The following ZNF728 variants were observed in gnomAD, a reference collection of about 807,000 sequenced individuals.
ZNF728 encodes zinc finger protein 728.
In ZNF728, 12 loss-of-function variants were observed where a neutral mutation model predicts 12.5. The observed-to-expected ratio is 0.96, with a 90% CI of 0.61 to 1.55. The LOEUF (loss-of-function observed/expected upper bound fraction) is 1.55, where lower values mean the gene tolerates loss of function less well. Ranked by LOEUF, ZNF728 falls within the 40% of genes most tolerant of loss-of-function variation. The pLI, the probability that ZNF728 is intolerant of heterozygous loss-of-function variation, is 0.00. For missense variants in ZNF728, 692 were observed against 719.2 expected (o/e 0.96, Z 0.43); for synonymous variants, 205 against 240.7 (o/e 0.85, Z 1.37).
chr19:23,000,585 C>T (rs142433789), intron 1 of ZNF728, among the ~76,000 whole-genome samples: 1,711 of 152,014 alleles, frequency 0.011, 32 homozygotes, highest in African/African-American at 0.039. Flanking sequence ...TGAGGTCAGC[C>T]GGGCACAGTG....
chr19:22,994,506 T>C (rs1363761160), intron 1 of ZNF728, among the ~76,000 whole-genome samples: 2 of 152,196 alleles, frequency 1.3e-5, no homozygotes, highest in Non-Finnish European at 2.9e-5. Flanking sequence ...GTCAATTTGC[T>C]CAAGAGATTG....
At chr19:23,002,952 TC>T in intron 1 of ZNF728, 75 bp downstream of exon 1, 13 of 1,570,732 alleles carry the variant, frequency 8.3e-6, no homozygotes, top group Non-Finnish European at 1.0e-5. Context: ...GAGGCCTGAG[TC>T]CCGCCACAGC....
intron 3 of ZNF728, among the ~76,000 whole-genome samples, chr19:22,978,512 GGGTCAGAC>G: frequency 1.3e-5 from 2 of 152,348 alleles, no homozygotes; most frequent in East Asian, 3.9e-4. Context: ...GCTCTGCTAA[GGGTCAGAC>G]TGCCACCTCA....
Position 23,003,025 on chromosome 19 carries a change from C to T in ZNF728, c.3+3G>A, listed in dbSNP as rs751152431. The stretch of plus-strand genomic sequence containing the variant: ...CTCGGGATGTCGGACCCGGCTGACT[C>T]ACCATTTCTAGGCTTCCGGGGGTCC... On this transcript the variant is annotated splice_donor_region_variant and intron_variant, in intron 1 of 3. Coordinates refer to ENST00000594710, the MANE Select transcript of ZNF728 (RefSeq NM_001267716.2). 6.3e-7 allele frequency: 1 copy of T among 1,584,734 alleles called. No individual in the cohort carries two copies. Among genetic ancestry groups the T allele is most frequent in the African/African-American group, 1.4e-5 (1 of 73,790 alleles).
At position 22,976,457 on chromosome 19, in the gene ZNF728, T is replaced by C. The variant is rs773171341; in HGVS notation, c.880A>G (p.Ser294Gly). The change falls in exon 4 of 4, where the codon AGT (serine) becomes GGT (glycine). Residue 294 changes from serine to glycine, a missense_variant. Transcript: ENST00000594710. ...YKCEECGKAFSKASTLTAHKT... is the reference protein window; with the variant it reads ...YKCEECGKAFGKASTLTAHKT... ...TGTGCAGTAAGGGTTGAGGCCTTAC[T>C]AAAGGCTTTGCCACATTCTTCACAT... 2 of 1,612,868 alleles carry C rather than the reference T, an allele frequency of 1.2e-6. No individual in the cohort carries two copies. The highest frequency in any genetic ancestry group is 2.7e-5 in the African/African-American group (2 of 74,836).
chr19:22,975,598 T>C lies in ZNF728; in HGVS notation c.1739A>G (p.Asn580Ser). 6.2e-7 allele frequency: 1 copy of C among 1,607,758 alleles called. No homozygotes were observed. The highest frequency in any genetic ancestry group is 8.5e-7 in the Non-Finnish European group (1 of 1,178,458). The change falls in exon 4 of 4, where the codon AAC becomes AGC. Residue 580 changes from asparagine (N) to serine (S), a missense_variant. Physicochemically the swap from Asn to Ser is conservative, Grantham distance 46. This residue lies in a region of ZNF728 where 244 missense variants were observed against 235.2 expected (regional missense o/e 1.04). Transcript: ENST00000594710. ...GKAFSWVSVL[N>S]KHKKIHAGKK... The stretch of plus-strand genomic sequence containing the variant: ...TCCAGCATGAATTTTCTTATGTTTG[T>C]TAAGGACTGAGACCCAGCTAAAGGC...
chr19:22,981,075 A>G (rs1003207752), intron 3 of ZNF728, among the ~76,000 whole-genome samples: 2 of 151,190 alleles, frequency 1.3e-5, no homozygotes, highest in Middle Eastern at 3.4e-3. Flanking sequence ...AAAAAAAAAA[A>G]AATTCAATGA....
intron 3 of ZNF728, among the ~76,000 whole-genome samples, chr19:22,980,750 G>A (rs531814610): frequency 7.2e-5 from 11 of 152,106 alleles, no homozygotes; most frequent in East Asian, 1.9e-4. Context: ...ACATGGAAAC[G>A]GAACAACCTG....
At chr19:22,978,640 G>T (rs1156819734) in intron 3 of ZNF728, among the ~76,000 whole-genome samples, 1 of 152,180 alleles carries the variant, frequency 6.6e-6, no homozygotes, top group Non-Finnish European at 1.5e-5. Flanking sequence ...TGGCCTGTGG[G>T]ACGAAGCTTC....
Position 22,975,642 on chromosome 19 carries a change from T to C in ZNF728, c.1695A>G (p.Lys565=), listed in dbSNP as rs1968785518. The change falls in exon 4 of 4, where the codon AAA becomes AAG. Residue 565 remains lysine, a synonymous_variant. Transcript: ENST00000594710. Reference sequence around the variant, plus strand: ...TAAAGGCTTTGCCACATTCTTCACATTTGTAGGGTTTCTCTCCAGTATGAA... The same window carrying C: ...TAAAGGCTTTGCCACATTCTTCACACTTGTAGGGTTTCTCTCCAGTATGAA... ...KRIHTGEKPY[K]CEECGKAFSW... 3 of 1,611,856 alleles carry C rather than the reference T, an allele frequency of 1.9e-6. No homozygotes were observed. Among genetic ancestry groups the C allele is most frequent in the South Asian group, 1.1e-5 (1 of 91,070 alleles).
At chr19:22,982,116 A>G (rs531108599) in intron 3 of ZNF728, among the ~76,000 whole-genome samples, 4 of 151,900 alleles carry the variant, frequency 2.6e-5, no homozygotes, top group African/African-American at 9.6e-5. Flanking sequence ...GACATGATTT[A>G]GAAAACCCCA....
rs767981607 is a variant in ZNF728, at chr19:22,975,849, C to G, written c.1488G>C (p.Met496Ile). 20 of 1,579,158 alleles carry G rather than the reference C, an allele frequency of 1.3e-5. No individual in the cohort carries two copies. Among genetic ancestry groups the G allele is most frequent in the Middle Eastern group, 1.7e-4 (1 of 5,882 alleles). Residue 496 changes from methionine to isoleucine, a missense_variant, in exon 4 of 4, where the codon ATG becomes ATC. Transcript: ENST00000594710. The stretch of plus-strand genomic sequence containing the variant: ...CTCCAGTATGAATTCTCTTATGTTC[C>G]ATAAGGTTTGAGGACCACTTAAAGG... Reference protein sequence around the residue: ...GKAFKWSSNLMEHKRIHTGEK... With the variant: ...GKAFKWSSNLIEHKRIHTGEK...
At chr19:22,978,039 C>A (rs1221491343) in intron 3 of ZNF728, among the ~76,000 whole-genome samples, 1 of 151,056 alleles carries the variant, frequency 6.6e-6, no homozygotes, top group Admixed American at 6.6e-5. Context: ...ATAAAAAATA[C>A]AAAAAGAAAT....
intron 3 of ZNF728, among the ~76,000 whole-genome samples, chr19:22,983,821 C>G (rs1171191821): frequency 6.6e-6 from 1 of 152,126 alleles, no homozygotes; most frequent in African/African-American, 2.4e-5. Context: ...CACAGGGACA[C>G]AGGAAGGGGA....
At position 22,984,247 on chromosome 19, in the gene ZNF728, A is replaced by C. The variant is rs543597927; in HGVS notation, c.226+3061T>G. Among the ~76,000 whole-genome samples the C allele has an allele frequency of 2.0e-3, 306 of 151,394 alleles. 2 individuals carry two copies. Among genetic ancestry groups the C allele is most frequent in the Non-Finnish European group, 3.4e-3 (231 of 67,870 alleles). On this transcript the variant is annotated intron_variant, in intron 3 of 3. Transcript: ENST00000594710. The stretch of plus-strand genomic sequence containing the variant: ...TGACTAAACTCAAATGCAAGTATAC[A>C]ATAATAGAAAAAAATTGAAAAAAAA...
In ZNF728 at chr19:22,976,250, T is replaced by G; in HGVS notation, c.1087A>C (p.Thr363Pro). The change falls in exon 4 of 4, where the codon ACT (threonine) becomes CCT (proline). Residue 363 changes from threonine to proline, a missense_variant. Physicochemically the swap from Thr to Pro is conservative, Grantham distance 38. This residue lies in a region of ZNF728 where 440 missense variants were observed against 459.6 expected (regional missense o/e 0.96). Transcript: ENST00000594710. ...TCACATTTGTAGGGTTTCTCTCCAGTATGAATTACCTTATGTTTAGTAAGG... is the reference window on the plus strand; with the variant it reads ...TCACATTTGTAGGGTTTCTCTCCAGGATGAATTACCTTATGTTTAGTAAGG... The part of the protein sequence containing the change: ...STLTKHKVIH[T>P]GEKPYKCEEC... 1 of 1,601,436 alleles carries G rather than the reference T, an allele frequency of 6.2e-7. No individual in the cohort carries two copies. The highest frequency in any genetic ancestry group is 1.3e-5 in the African/African-American group (1 of 74,238).
At chr19:23,000,446 G>A (rs562957462) in intron 1 of ZNF728, among the ~76,000 whole-genome samples, 1 of 150,744 alleles carries the variant, frequency 6.6e-6, no homozygotes, top group African/African-American at 2.4e-5. Context: ...AAAGAAAAAG[G>A]TGAATGAGAA....
chr19:22,988,358 T>G lies in ZNF728; in HGVS notation c.97A>C (p.Met33Leu). ...ACCAGGTTTCTGTAGTTCTCTAACA[T>G]CACATTCCTATATAAATTCTGCTGT... The part of the protein sequence containing the change: ...TAQQNLYRNV[M>L]LENYRNLVFL... Residue 33 changes from methionine to leucine, a missense_variant, in exon 2 of 4, where the codon ATG (methionine) becomes CTG (leucine). Met to Leu is a conservative substitution (Grantham distance 15). Transcript: ENST00000594710. 1 of 1,614,138 alleles carries G rather than the reference T, an allele frequency of 6.2e-7. No individual in the cohort carries two copies. Among genetic ancestry groups the G allele is most frequent in the Non-Finnish European group, 8.5e-7 (1 of 1,179,988 alleles).
chr19:22,986,047 C>A (rs964724907), intron 3 of ZNF728, among the ~76,000 whole-genome samples: 48 of 152,114 alleles, frequency 3.2e-4, no homozygotes, highest in African/African-American at 1.1e-3. Flanking sequence ...ATAAGCTAAC[C>A]CTAGTGCAGA....
Sources: allele counts gnomAD v4.1 joint callset (sites outside exome capture counted in the v4.1 genomes callset), GRCh38; gene constraint gnomAD v4.1.1; regional missense constraint gnomAD v4.1.1; transcripts MANE v1.5; gene names NCBI Gene and HGNC (gene_info 2026-07-23, HGNC 2026-07-21).